SLC6A13: variants seen among roughly 807,000 people sequenced by gnomAD.
The protein encoded by SLC6A13 is sodium- and chloride-dependent GABA transporter 2.
In SLC6A13, 69 loss-of-function variants were observed where a neutral mutation model predicts 72.9. The ratio of observed to expected loss-of-function variants is 0.95; its 90% CI spans 0.78 to 1.16. The LOEUF (loss-of-function observed/expected upper bound fraction) is 1.16. SLC6A13 is among the 50% of genes most tolerant of loss of function. The probability of loss-of-function intolerance (pLI) is 0.00; values close to 1 mark genes in which losing one functional copy is unlikely to be tolerated. For missense variants in SLC6A13, 735 were observed against 760.5 expected, an observed-to-expected ratio of 0.97 and a Z score of 0.39; for synonymous variants, 303 against 303.0, an observed-to-expected ratio of 1.00 and a Z score of 0.00.
rs965048380 is a variant in SLC6A13 at position 220,774 on chromosome 12, A to C, written c.*174T>G. On this transcript the variant is annotated 3_prime_UTR_variant, in exon 15 of 15. Transcript: ENST00000343164. ...TTTCACATCTGTTCAACAACCCCTGAGCTGAAAAGTTGCAGTGGGAGGCCT... is the reference window on the plus strand; with the variant it reads ...TTTCACATCTGTTCAACAACCCCTGCGCTGAAAAGTTGCAGTGGGAGGCCT... The C allele has an allele frequency of 1.5e-6, 1 of 685,914 alleles. No individual in the cohort carries two copies. Among genetic ancestry groups the C allele is most frequent in the South Asian group, 1.9e-5 (1 of 53,832 alleles). The allele number at this position is 685,914 out of a possible 1,614,324, so 42.5% of individuals were successfully genotyped here.
chr12:246,012 G>T (rs1167200217), intron 2 of SLC6A13, among the ~76,000 whole-genome samples: 2 of 151,962 alleles, frequency 1.3e-5, no homozygotes, highest in Non-Finnish European at 2.9e-5. Context: ...CAGCTACTTG[G>T]GAGGCTGAGG....
intron 11 of SLC6A13, chr12:223,625 ACCCAG>A: frequency 3.1e-6 from 1 of 325,628 alleles, no homozygotes; most frequent in Non-Finnish European, 5.8e-6. Flanking sequence ...ACAGAATGTC[ACCCAG>A]CCCCAGGCCT....
intron 2 of SLC6A13, among the ~76,000 whole-genome samples, chr12:257,039 A>C (rs1484173671): frequency 6.6e-6 from 1 of 152,122 alleles, no homozygotes; most frequent in African/African-American, 2.4e-5. Flanking sequence ...TCAGCAGCAA[A>C]GGGTCCTTTC....
intron 7 of SLC6A13, among the ~76,000 whole-genome samples, chr12:228,584 C>T (rs1466613963): frequency 6.6e-6 from 1 of 152,162 alleles, no homozygotes; most frequent in East Asian, 1.9e-4. Flanking sequence ...TCCACAAAAC[C>T]CTCTATCCTT....
At chr12:240,169 G>A (rs1393483509) in intron 4 of SLC6A13, among the ~76,000 whole-genome samples, 1 of 152,082 alleles carries the variant, frequency 6.6e-6, no homozygotes, top group Non-Finnish European at 1.5e-5. Context: ...TAAAAAGGAA[G>A]AAAAGAAAAT....
rs1941183537 is a variant in SLC6A13, at chr12:221,055, T to C, written c.1702A>G (p.Met568Val). ...TGGGGCAGGTCCTCGGCTGGGCACA[T>C]GAGCTGACGGATTCTCTGCGGGGAT... ...GPFRERIRQL[M>V]CPAEDLPQRN... The change falls in exon 15 of 15, where the codon ATG (methionine) becomes GTG (valine). Residue 568 changes from methionine to valine, a missense_variant. Physicochemically the swap from Met to Val is conservative, Grantham distance 21. Coordinates refer to ENST00000343164, the MANE Select transcript of SLC6A13 (RefSeq NM_016615.5). The C allele has an allele frequency of 6.2e-7, 1 of 1,607,670 alleles. No individual in the cohort carries two copies. Among genetic ancestry groups the C allele is most frequent in the East Asian group, 2.2e-5 (1 of 44,854 alleles).
intron 2 of SLC6A13, among the ~76,000 whole-genome samples, chr12:257,916 C>T (rs182350062): frequency 3.3e-4 from 50 of 152,252 alleles, no homozygotes; most frequent in Non-Finnish European, 5.1e-4. Context: ...GGGAAAGCTG[C>T]TCACCTCCTA....
In SLC6A13 at chr12:221,006, G is replaced by A; in HGVS notation, c.1751C>T (p.Ala584Val). 1 of 1,612,654 alleles carries A rather than the reference G, an allele frequency of 6.2e-7. No homozygotes were observed. The highest frequency in any genetic ancestry group is 8.5e-7 in the Non-Finnish European group (1 of 1,179,840). The change falls in exon 15 of 15, where the codon GCT becomes GTT. Residue 584 changes from alanine to valine, a missense_variant. Ala to Val is a moderately conservative substitution (Grantham distance 64). Transcript: ENST00000343164. ...LPQRNPAGPS[A>V]PATPRTSLLR... Reference sequence around the variant, plus strand: ...CAGTGAGGTCCTGGGGGTGGCGGGAGCCGAGGGTCCTGCTGGGTTCCGCTG... The same window carrying A: ...CAGTGAGGTCCTGGGGGTGGCGGGAACCGAGGGTCCTGCTGGGTTCCGCTG...
intron 14 of SLC6A13, 78 bp from the exon 15 acceptor site, chr12:221,148 C>G (rs1372109827): frequency 6.6e-7 from 1 of 1,509,042 alleles, no homozygotes; most frequent in East Asian, 2.3e-5. Flanking sequence ...CCAACATCTG[C>G]TGCCTCCCCA....
At chr12:257,468 T>C (rs1002000488) in intron 2 of SLC6A13, among the ~76,000 whole-genome samples, 1 of 151,998 alleles carries the variant, frequency 6.6e-6, no homozygotes, top group African/African-American at 2.4e-5. Flanking sequence ...GGGTAGGTAG[T>C]GTAAGGGTTA....
chr12:232,092 A>T (rs142212024), intron 7 of SLC6A13, among the ~76,000 whole-genome samples: 11 of 152,330 alleles, frequency 7.2e-5, no homozygotes, highest in African/African-American at 2.4e-4. Context: ...GAAATAATGC[A>T]TGTAAGCCTC....
chr12:226,722 G>A (rs774923943), intron 8 of SLC6A13: 1 of 512,068 alleles, frequency 2.0e-6, no homozygotes, highest in South Asian at 2.3e-5. Context: ...ACCAGCCCAG[G>A]GACGGAATAA....
At chr12:244,527 A>G (rs1223355145) in intron 2 of SLC6A13, among the ~76,000 whole-genome samples, 1 of 152,016 alleles carries the variant, frequency 6.6e-6, no homozygotes, top group Non-Finnish European at 1.5e-5. Context: ...TGTCTCTAAA[A>G]GAAATACAAA....
chr12:228,514 G>A (rs1305194993), intron 7 of SLC6A13, among the ~76,000 whole-genome samples: 1 of 152,102 alleles, frequency 6.6e-6, no homozygotes, highest in Non-Finnish European at 1.5e-5. Flanking sequence ...GGCGCCGGAT[G>A]ACCCGTCCAT....
At chr12:223,870 C>CTA (rs1941324096) in intron 11 of SLC6A13, 122 bp downstream of exon 11, 2 of 1,103,486 alleles carry the variant, frequency 1.8e-6, no homozygotes, top group Admixed American at 1.9e-5. Context: ...AGAGGGAGTC[C>CTA]TAGTGTCCAG....
chr12:243,394 T>C lies in SLC6A13; in HGVS notation c.337+285A>G, dbSNP rs143700049. Among the ~76,000 whole-genome samples the C allele has an allele frequency of 1.3e-3, 191 of 152,362 alleles. 1 individual carries two copies. The highest frequency in any genetic ancestry group is 4.5e-3 in the African/African-American group (188 of 41,574). Reference sequence around the variant, plus strand: ...TGTTTATAATTGATTTAAATATGTCTTAAAATACAACAACATTGTTATGTG... The same window carrying C: ...TGTTTATAATTGATTTAAATATGTCCTAAAATACAACAACATTGTTATGTG... On this transcript the variant is annotated intron_variant, in intron 3 of 14. Transcript: ENST00000343164.
chr12:230,769 G>A lies in SLC6A13; in HGVS notation c.832-3101C>T, dbSNP rs990495553. Reference sequence around the variant, plus strand: ...TTCCTAAGCTTCTGTTTCTCCATCCGTAAGATGAGGCTGACCCCAAACTCA... The same window carrying A: ...TTCCTAAGCTTCTGTTTCTCCATCCATAAGATGAGGCTGACCCCAAACTCA... On this transcript the variant is annotated intron_variant, in intron 7 of 14. Transcript: ENST00000343164. Among the ~76,000 whole-genome samples, 22 of 152,266 alleles carry A rather than the reference G, an allele frequency of 1.4e-4. 1 individual carries two copies. Among genetic ancestry groups the A allele is most frequent in the African/African-American group, 5.1e-4 (21 of 41,534 alleles).
At chr12:228,266 G>A (rs1483462883) in intron 7 of SLC6A13, among the ~76,000 whole-genome samples, 1 of 152,172 alleles carries the variant, frequency 6.6e-6, no homozygotes, top group Non-Finnish European at 1.5e-5. Flanking sequence ...AGTTGTTATT[G>A]TTATTATCTC....
chr12:256,264 G>A (rs1179059074), intron 2 of SLC6A13, among the ~76,000 whole-genome samples: 1 of 152,160 alleles, frequency 6.6e-6, no homozygotes, highest in Admixed American at 6.5e-5. Flanking sequence ...ACAGTTCCTG[G>A]CTTTTGCTAC....
Sources: gnomAD v4.1 joint callset for allele counts (sites outside exome capture counted in the v4.1 genomes callset) on GRCh38, gnomAD v4.1.1 for gene constraint, MANE v1.5 for transcripts, NCBI Gene and HGNC (gene_info 2026-07-23, HGNC 2026-07-21) for gene names.